Variants in THSD7A observed in about 807,000 individuals in gnomAD.
THSD7A encodes the protein thrombospondin type 1 domain containing 7A, also known as thrombospondin type-1 domain-containing protein 7A.
A neutral mutation model predicts 231.3 loss-of-function variants in THSD7A; 96 were observed. That is an observed-to-expected ratio of 0.41 (90% CI 0.35 to 0.49). THSD7A has a LOEUF of 0.49. THSD7A is among the 20% of genes least tolerant of loss of function. THSD7A has a pLI of 0.05. For missense variants in THSD7A, 2,290 were observed against 2,070.2 expected (o/e 1.11, Z -2.06); for synonymous variants, 940 against 743.3 (o/e 1.26, Z -4.30).
intron 1 of THSD7A, among the ~76,000 whole-genome samples, chr7:11,784,903 G>A (rs57822376): frequency 0.19 from 29,148 of 152,054 alleles, 2,990 homozygotes; most frequent in South Asian, 0.26. Context: ...GGATCTACCA[G>A]TGTGGGACAA....
At chr7:11,451,568 A>G (rs1016152465) in intron 11 of THSD7A, among the ~76,000 whole-genome samples, 5 of 152,024 alleles carry the variant, frequency 3.3e-5, no homozygotes, top group East Asian at 1.9e-4. Context: ...GAAACTTCCC[A>G]TAAGTTTAAA....
At chr7:11,749,893 C>G (rs979983554) in intron 1 of THSD7A, among the ~76,000 whole-genome samples, 3 of 151,972 alleles carry the variant, frequency 2.0e-5, no homozygotes, top group African/African-American at 7.2e-5. Context: ...TCATGGGTTA[C>G]ATTGCATAGC....
At chr7:11,508,361 A>G (rs1180701993) in intron 6 of THSD7A, among the ~76,000 whole-genome samples, 1 of 152,220 alleles carries the variant, frequency 6.6e-6, no homozygotes, top group Non-Finnish European at 1.5e-5. Flanking sequence ...ATATAAAACC[A>G]CAATGAGATA....
intron 13 of THSD7A, among the ~76,000 whole-genome samples, chr7:11,443,779 G>T (rs1429600768): frequency 6.6e-6 from 1 of 151,958 alleles, no homozygotes; most frequent in Admixed American, 6.6e-5. Context: ...ATATTACAGA[G>T]TACATACATA....
intron 6 of THSD7A, among the ~76,000 whole-genome samples, chr7:11,523,252 A>C (rs1050523797): frequency 6.6e-6 from 1 of 152,084 alleles, no homozygotes; most frequent in Admixed American, 6.6e-5. Flanking sequence ...TCTAAAAATA[A>C]AAAGTCTTTA....
At chr7:11,420,548 A>T (rs900614854) in intron 16 of THSD7A, among the ~76,000 whole-genome samples, 8 of 152,242 alleles carry the variant, frequency 5.3e-5, no homozygotes. Flanking sequence ...TCCTGGCAGA[A>T]GTCTGTTGCA....
At chr7:11,640,945 A>C (rs73292629) in intron 1 of THSD7A, among the ~76,000 whole-genome samples, 123 of 152,244 alleles carry the variant, frequency 8.1e-4, no homozygotes, top group African/African-American at 2.8e-3. Flanking sequence ...AATTTTCTCA[A>C]CCAAGAACAT....
intron 1 of THSD7A, among the ~76,000 whole-genome samples, chr7:11,734,893 A>C (rs1313340961): frequency 2.6e-5 from 4 of 151,852 alleles, no homozygotes; most frequent in African/African-American, 7.2e-5. Flanking sequence ...GTCATTTTTT[A>C]GGATTTTATT....
intron 4 of THSD7A, among the ~76,000 whole-genome samples, chr7:11,577,728 A>T (rs2128336787): frequency 6.6e-6 from 1 of 151,898 alleles, no homozygotes; most frequent in South Asian, 2.1e-4. Context: ...ATCCCCAGAA[A>T]TCCTGTGGGA....
chr7:11,485,298 A>T (rs1323000956), intron 6 of THSD7A, among the ~76,000 whole-genome samples: 2 of 152,142 alleles, frequency 1.3e-5, no homozygotes, highest in Non-Finnish European at 2.9e-5. Context: ...GATTAGAACC[A>T]GATTGTCTCT....
chr7:11,469,593 C>T (rs114584063), intron 9 of THSD7A, among the ~76,000 whole-genome samples: 2,604 of 152,250 alleles, frequency 0.017, 76 homozygotes, highest in African/African-American at 0.06. Flanking sequence ...TATATTCCTT[C>T]AGAACTAATG....
chr7:11,692,547 A>G (rs1464239159), intron 1 of THSD7A, among the ~76,000 whole-genome samples: 1 of 151,576 alleles, frequency 6.6e-6, no homozygotes, highest in African/African-American at 2.4e-5. Flanking sequence ...ATTGTACACA[A>G]CAAATAAGAA....
rs538422745 is a variant in THSD7A, at chr7:11,401,782, C to T, written c.4411+13G>A. 6.2e-5 allele frequency: 99 copies of T among 1,607,330 alleles called. 1 individual carries two copies. Among genetic ancestry groups the T allele is most frequent in the South Asian group, 6.0e-4 (54 of 90,116 alleles). The stretch of plus-strand genomic sequence containing the variant: ...TTTTGCTTAAGATAGAGTATATGAA[C>T]GGTAGCACTCACCATAACATGATTT... On this transcript the variant is annotated intron_variant, in intron 23 of 27. Coordinates refer to ENST00000423059, the MANE Select transcript of THSD7A (RefSeq NM_015204.3).
chr7:11,658,010 G>A (rs980657716), intron 1 of THSD7A, among the ~76,000 whole-genome samples: 3 of 151,710 alleles, frequency 2.0e-5, no homozygotes, highest in African/African-American at 4.8e-5. Context: ...AGCAATGAAA[G>A]TCAAGTACTA....
chr7:11,537,414 G>A (rs944538298), intron 6 of THSD7A, among the ~76,000 whole-genome samples: 9 of 152,156 alleles, frequency 5.9e-5, no homozygotes, highest in East Asian at 1.9e-4. Context: ...TCTTATGAAC[G>A]CTTTAGCACT....
intron 6 of THSD7A, among the ~76,000 whole-genome samples, chr7:11,503,588 T>C (rs191639200): frequency 2.0e-5 from 3 of 147,638 alleles, no homozygotes; most frequent in South Asian, 4.8e-4. Flanking sequence ...CCAGCATCTA[T>C]AACGAACTTA....
At chr7:11,673,952 T>C (rs1468730512) in intron 1 of THSD7A, among the ~76,000 whole-genome samples, 1 of 152,030 alleles carries the variant, frequency 6.6e-6, no homozygotes, top group African/African-American at 2.4e-5. Flanking sequence ...ACTGGTTGCG[T>C]ACACGTGGCC....
intron 4 of THSD7A, among the ~76,000 whole-genome samples, chr7:11,561,622 A>T (rs1790079776): frequency 6.6e-6 from 1 of 152,186 alleles, no homozygotes; most frequent in Non-Finnish European, 1.5e-5. Context: ...TGTAATCCCA[A>T]CAACTTGTGA....
intron 1 of THSD7A, among the ~76,000 whole-genome samples, chr7:11,712,743 A>G (rs1030975376): frequency 2.6e-5 from 4 of 151,076 alleles, no homozygotes; most frequent in Admixed American, 2.0e-4. Context: ...ACCTTCAAGT[A>G]ACAGTTGATA....
Sources: allele counts gnomAD v4.1 joint callset (sites outside exome capture counted in the v4.1 genomes callset), GRCh38; gene constraint gnomAD v4.1.1; transcripts MANE v1.5; gene names NCBI Gene and HGNC (gene_info 2026-07-23, HGNC 2026-07-21).